GFRAL: variants seen among roughly 807,000 people sequenced by gnomAD.
The protein encoded by GFRAL is GDNF family receptor alpha-like.
In GFRAL, 36 loss-of-function variants were observed where a neutral mutation model predicts 45.4. The ratio of observed to expected loss-of-function variants is 0.79; its 90% confidence interval spans 0.61 to 1.05. The LOEUF is 1.05. Among genes scored for constraint, GFRAL ranks in the 50% least tolerant of loss-of-function variants. GFRAL has a pLI of 0.00. For synonymous variants in GFRAL, 166 were observed against 154.1 expected (o/e 1.08, Z -0.57); for missense variants, 507 against 467.5 (o/e 1.08, Z -0.78).
intron 6 of GFRAL, among the ~76,000 whole-genome samples, chr6:55,391,808 A>G (rs1249801670): frequency 6.6e-6 from 1 of 152,208 alleles, no homozygotes; most frequent in Non-Finnish European, 1.5e-5. Context: ...CTGGGAGTGA[A>G]GTAGAGCTGG....
chr6:55,369,015 G>C (rs991735923), intron 6 of GFRAL, among the ~76,000 whole-genome samples: 11 of 151,982 alleles, frequency 7.2e-5, no homozygotes, highest in African/African-American at 2.4e-4. Flanking sequence ...GCAAGCCTGG[G>C]CAATGGCGGG....
intron 1 of GFRAL, among the ~76,000 whole-genome samples, chr6:55,328,929 G>T (rs1349872387): frequency 6.6e-6 from 1 of 152,018 alleles, no homozygotes; most frequent in Non-Finnish European, 1.5e-5. Flanking sequence ...GAAAATGTCT[G>T]TTGGTAAAGA....
chr6:55,384,979 T>C (rs976246621), intron 6 of GFRAL, among the ~76,000 whole-genome samples: 58 of 151,606 alleles, frequency 3.8e-4, no homozygotes, highest in African/African-American at 1.4e-3. Context: ...AGAATAGAGG[T>C]GGAGCCTATA....
intron 6 of GFRAL, among the ~76,000 whole-genome samples, chr6:55,364,754 T>A (rs1286381057): frequency 0.048 from 7,227 of 151,334 alleles, 257 homozygotes; most frequent in African/African-American, 0.09. Flanking sequence ...GTTGTAGATA[T>A]GCGGCGTGAT....
chr6:55,333,141 T>C (rs938203745), intron 2 of GFRAL, among the ~76,000 whole-genome samples: 1 of 152,150 alleles, frequency 6.6e-6, no homozygotes, highest in Non-Finnish European at 1.5e-5. Context: ...AATATTTGCA[T>C]AATTATTTTA....
At chr6:55,372,238 T>G (rs1033093956) in intron 6 of GFRAL, among the ~76,000 whole-genome samples, 5 of 152,202 alleles carry the variant, frequency 3.3e-5, no homozygotes, top group African/African-American at 1.2e-4. Flanking sequence ...GTTTCAAGAC[T>G]CAGCTGTAGA....
intron 6 of GFRAL, among the ~76,000 whole-genome samples, chr6:55,386,288 G>A (rs1047910225): frequency 6.6e-5 from 10 of 151,900 alleles, no homozygotes; most frequent in South Asian, 2.1e-4. Flanking sequence ...TAGTACTTAC[G>A]TGTTTGACTC....
At chr6:55,383,604 C>G (rs11753608) in intron 6 of GFRAL, among the ~76,000 whole-genome samples, 9,724 of 152,002 alleles carry the variant, frequency 0.064, 505 homozygotes, top group African/African-American at 0.14. Flanking sequence ...GCTATACCAC[C>G]TAAGTTTGTG....
Position 55,359,464 on chromosome 6 carries a change from A to G in GFRAL, c.952+326A>G, listed in dbSNP as rs1390996195. On this transcript the variant is annotated intron_variant, in intron 6 of 8. Transcript: ENST00000340465. Reference sequence around the variant, plus strand: ...TATCAATTGCTGCATAACAAACCATAAGTATCTATACTAAGTAACAAAACA... The same window carrying G: ...TATCAATTGCTGCATAACAAACCATGAGTATCTATACTAAGTAACAAAACA... Among the ~76,000 whole-genome samples, 107 of 152,050 alleles carry G rather than the reference A, an allele frequency of 7.0e-4. 1 individual carries two copies. Among genetic ancestry groups the G allele is most frequent in the Admixed American group, 7.0e-3 (107 of 15,216 alleles).
In GFRAL at chr6:55,358,908, A is replaced by G. The variant is rs1033448024; in HGVS notation, c.722A>G (p.Gln241Arg). ...TCTAGGAGGCACTATAGAACATTTC[A>G]GTCAAAATGCTGGCAGCGTGTGACT... is the stretch of plus-strand genomic sequence containing the variant. ...ELCRRHYRTF[Q>R]SKCWQRVTRK... is the part of the protein sequence containing the mutation. Residue 241 changes from glutamine (Q) to arginine (R), a missense_variant, in exon 6 of 9, where the codon CAG becomes CGG. Gln to Arg is a conservative substitution (Grantham distance 43, BLOSUM62 1). Coordinates refer to ENST00000340465, the MANE Select transcript of GFRAL (RefSeq NM_207410.2). The G allele has an allele frequency of 1.2e-6, 2 of 1,612,488 alleles. No homozygotes were observed. Among genetic ancestry groups the G allele is most frequent in the African/African-American group, 1.3e-5 (1 of 74,848 alleles).
chr6:55,333,911 A>C lies in GFRAL; in HGVS notation c.283A>C (p.Lys95Gln), dbSNP rs925064576. The C allele has an allele frequency of 1.9e-5, 30 of 1,568,828 alleles. No individual in the cohort carries two copies. Among genetic ancestry groups the C allele is most frequent in the Non-Finnish European group, 2.4e-5 (28 of 1,158,438 alleles). Residue 95 changes from lysine to glutamine, a missense_variant, in exon 3 of 9, where the codon AAA (lysine) becomes CAA (glutamine). Lys to Gln is a moderately conservative substitution (Grantham distance 53, BLOSUM62 1). Transcript: ENST00000340465. ...TGATGACTTCTATTGTACTGTGAACAAACTGCTTGGAAAAAAATGTATCAA... is the reference window on the plus strand; with the variant it reads ...TGATGACTTCTATTGTACTGTGAACCAACTGCTTGGAAAAAAATGTATCAA... The part of the protein sequence containing the change: ...CTDDFYCTVN[K>Q]LLGKKCINKS...
chr6:55,382,570 C>G (rs1581757119), intron 6 of GFRAL, among the ~76,000 whole-genome samples: 2 of 151,996 alleles, frequency 1.3e-5, no homozygotes, highest in South Asian at 4.1e-4. Context: ...TTCTTCCACT[C>G]TCCTTCCTCA....
chr6:55,368,468 T>C, intron 6 of GFRAL, among the ~76,000 whole-genome samples: 1 of 152,202 alleles, frequency 6.6e-6, no homozygotes, highest in Non-Finnish European at 1.5e-5. Flanking sequence ...CGTCCAGCTT[T>C]GTTCCGTTGC....
chr6:55,375,097 G>C (rs1768506335), intron 6 of GFRAL, among the ~76,000 whole-genome samples: 1 of 152,030 alleles, frequency 6.6e-6, no homozygotes, highest in African/African-American at 2.4e-5. Flanking sequence ...GACTGTCTTG[G>C]CTATTTCGCT....
At chr6:55,345,591 C>G (rs1768030031) in intron 3 of GFRAL, among the ~76,000 whole-genome samples, 1 of 152,160 alleles carries the variant, frequency 6.6e-6, no homozygotes, top group African/African-American at 2.4e-5. Context: ...CATAAAAACC[C>G]TAGAAGAAAA....
chr6:55,339,283 C>T (rs1562048774), intron 3 of GFRAL, among the ~76,000 whole-genome samples: 1 of 152,120 alleles, frequency 6.6e-6, no homozygotes, highest in African/African-American at 2.4e-5. Context: ...ATTCTGAAAA[C>T]ATTTCATCTG....
chr6:55,370,182 T>C (rs1390789467), intron 6 of GFRAL, among the ~76,000 whole-genome samples: 1 of 152,012 alleles, frequency 6.6e-6, no homozygotes, highest in Admixed American at 6.5e-5. Flanking sequence ...AAAATAATTA[T>C]ATTTATCATT....
chr6:55,363,393 T>C lies in GFRAL; in HGVS notation c.952+4255T>C, dbSNP rs187191711. 5.0e-3 allele frequency among the ~76,000 whole-genome samples: 766 copies of C among 152,018 alleles called. 10 individuals are homozygous for C. Among genetic ancestry groups the C allele is most frequent in the African/African-American group, 0.018 (732 of 41,470 alleles). On this transcript the variant is annotated intron_variant, in intron 6 of 8. Transcript: ENST00000340465. ...CTTTTTAAACTTAAAAAATATATGGTAGACCCATTTCCAAGTATTTACATA... is the reference window on the plus strand; with the variant it reads ...CTTTTTAAACTTAAAAAATATATGGCAGACCCATTTCCAAGTATTTACATA...
intron 6 of GFRAL, among the ~76,000 whole-genome samples, chr6:55,361,907 T>G (rs1180718358): frequency 1.3e-5 from 2 of 152,058 alleles, no homozygotes; most frequent in Admixed American, 1.3e-4. Context: ...CTTTTCAGTT[T>G]GTCACATTTG....
Sources: allele counts gnomAD v4.1 joint callset (sites outside exome capture counted in the v4.1 genomes callset), GRCh38; gene constraint gnomAD v4.1.1; transcripts MANE v1.5; gene names NCBI Gene and HGNC (gene_info 2026-07-23, HGNC 2026-07-21).